The following INTS1 variants were observed in gnomAD, a reference collection of about 807,000 sequenced individuals.
INTS1 encodes the protein integrator complex subunit 1.
In INTS1, 137 loss-of-function variants were observed where a neutral mutation model predicts 241.6. That is an observed-to-expected ratio of 0.57 (90% confidence interval 0.49 to 0.65). INTS1 has a LOEUF of 0.65. Among genes scored for constraint, INTS1 ranks in the 30% least tolerant of loss-of-function variants. INTS1 has a pLI of 0.00. For missense variants in INTS1, 3,073 were observed against 3,032.2 expected, an observed-to-expected ratio of 1.01 and a Z score of -0.32; for synonymous variants, 1,692 against 1,337.8, an observed-to-expected ratio of 1.26 and a Z score of -5.78.
chr7:1,486,522 C>T (rs1782273007), intron 22 of INTS1, 103 bp downstream of exon 22: 2 of 1,364,998 alleles, frequency 1.5e-6, no homozygotes, highest in Non-Finnish European at 2.0e-6. Context: ...GCCTTGGCCT[C>T]CCAAAGTGCT....
At chr7:1,490,543 G>C (rs899739480) in intron 16 of INTS1, among the ~76,000 whole-genome samples, 5 of 152,136 alleles carry the variant, frequency 3.3e-5, no homozygotes, top group African/African-American at 1.2e-4. Context: ...AAGGGTGTCG[G>C]CTCTGGATAA....
rs1382066226 is a variant in INTS1, at chr7:1,474,295, T to C, written c.5702A>G (p.Gln1901Arg). ...RTHLNFQEFRQQNHLSCFLHV... is the reference protein window; with the variant it reads ...RTHLNFQEFRRQNHLSCFLHV... ...CAGGAAGCAGCTCAGGTGGTTCTGC[T>C]GCCGGAACTCCTGGAAGTTGAGGTG... Residue 1901 changes from glutamine to arginine, a missense_variant, in exon 41 of 48, where the codon CAG becomes CGG. Coordinates refer to ENST00000404767, the MANE Select transcript of INTS1 (RefSeq NM_001080453.3). 9 of 1,608,762 alleles carry C rather than the reference T, an allele frequency of 5.6e-6. No individual in the cohort carries two copies. The highest frequency in any genetic ancestry group is 1.7e-5 in the Admixed American group (1 of 59,918).
In INTS1 at chr7:1,503,892, G is replaced by A; in HGVS notation, c.58+11C>T. On this transcript the variant is annotated intron_variant, in intron 2 of 47. Transcript: ENST00000404767. ...AGACCCCCGGGCTGCAGAGCGAGGA[G>A]GGAGACGCACCTGAGGGTTTGGCCG... The A allele has an allele frequency of 6.5e-7, 1 of 1,544,212 alleles. No homozygotes were observed. Among genetic ancestry groups the A allele is most frequent in the Non-Finnish European group, 8.7e-7 (1 of 1,144,890 alleles).
chr7:1,471,481 C>T (rs1781464622), intron 45 of INTS1, 90 bp downstream of exon 45: 7 of 1,400,956 alleles, frequency 5.0e-6, no homozygotes, highest in Admixed American at 3.4e-5. Flanking sequence ...TGGGGCTCAG[C>T]GCGGGCACGC....
At chr7:1,472,418 G>A (rs368285030) in intron 43 of INTS1, 32 bp from the exon 44 acceptor site, 18 of 1,450,136 alleles carry the variant, frequency 1.2e-5, no homozygotes, top group African/African-American at 4.2e-5. Flanking sequence ...GCAGGAGGGC[G>A]GGAGCGGCAG....
Position 1,470,630 on chromosome 7 carries a change from T to C in INTS1, c.6520A>G (p.Ser2174Gly), listed in dbSNP as rs766428490. The stretch of plus-strand genomic sequence containing the variant: ...CTCAGGGCCTCGGAGATCTGCGCGC[T>C]GGGGTCCATCTGGCCGTACATGCCC... ...LVGMYGQMDP[S>G]AQISEALRIL... is the part of the protein sequence containing the mutation. The change falls in exon 48 of 48, where the codon AGC becomes GGC. Residue 2174 changes from serine to glycine, a missense_variant. Coordinates refer to ENST00000404767, the MANE Select transcript of INTS1 (RefSeq NM_001080453.3). The C allele has an allele frequency of 3.1e-6, 5 of 1,588,882 alleles. No individual in the cohort carries two copies. The South Asian group carries it at 3.4e-5, about 11-fold the overall frequency.
chr7:1,482,703 G>C lies in INTS1; in HGVS notation c.3546C>G (p.Asp1182Glu). The change falls in exon 27 of 48, where the codon GAC becomes GAG. Residue 1182 changes from aspartate to glutamate, a missense_variant. By Grantham distance (45) the Asp-to-Glu change is conservative. Coordinates refer to ENST00000404767, the MANE Select transcript of INTS1 (RefSeq NM_001080453.3). ...CCAGCAGCGCCTGGAACTCGCTGTCGTCGGCTTCAGGAAGGACAACGGGTG... is the reference window on the plus strand; with the variant it reads ...CCAGCAGCGCCTGGAACTCGCTGTCCTCGGCTTCAGGAAGGACAACGGGTG... Reference protein sequence around the residue: ...ILLTLGPPRADDSEFQALLDI... With the variant: ...ILLTLGPPRAEDSEFQALLDI... 6.2e-7 allele frequency: 1 copy of C among 1,612,446 alleles called. No homozygotes were observed. Among genetic ancestry groups the C allele is most frequent in the Non-Finnish European group, 8.5e-7 (1 of 1,179,708 alleles).
rs1378747982 is a variant in INTS1 at position 1,497,391 on chromosome 7, C to G, written c.1426-77G>C. On this transcript the variant is annotated intron_variant, in intron 10 of 47. Coordinates refer to ENST00000404767, the MANE Select transcript of INTS1 (RefSeq NM_001080453.3). The surrounding 1 kb of genome is among the most constrained non-coding windows in gnomAD (Gnocchi z 5.3). ...CACAGGCCCCTTCCCGCAGCACCAACAGGTATGGCGCCCGAGGGCGCTGCA... is the reference window on the plus strand; with the variant it reads ...CACAGGCCCCTTCCCGCAGCACCAAGAGGTATGGCGCCCGAGGGCGCTGCA... 1.0e-5 allele frequency: 15 copies of G among 1,479,584 alleles called. No individual in the cohort carries two copies. The East Asian group carries it at 3.3e-4, about 33-fold the overall frequency. The allele number at this position is 1,479,584 out of a possible 1,614,324, so 91.7% of individuals were successfully genotyped here.
At position 1,477,685 on chromosome 7, in the gene INTS1, A is replaced by G; in HGVS notation, c.4815-12T>C. On this transcript the variant is annotated splice_polypyrimidine_tract_variant and intron_variant, in intron 34 of 47. Transcript: ENST00000404767. ...GCACGGCCTCCAGGCTGCAGGGAGA[A>G]GGTGGCTCAGGGAAGGGCTGGTGCC... The G allele has an allele frequency of 6.3e-7, 1 of 1,599,418 alleles. No homozygotes were observed. Among genetic ancestry groups the G allele is most frequent in the Non-Finnish European group, 8.5e-7 (1 of 1,172,984 alleles).
At chr7:1,475,344 C>G (rs1232761045) in intron 39 of INTS1, among the ~76,000 whole-genome samples, 1 of 152,094 alleles carries the variant, frequency 6.6e-6, no homozygotes, top group Non-Finnish European at 1.5e-5. Flanking sequence ...ATGATGGTAC[C>G]GCTGCACTCC....
chr7:1,494,755 C>A lies in INTS1; in HGVS notation c.1910+61G>T, dbSNP rs752790. On this transcript the variant is annotated intron_variant, in intron 14 of 47. Transcript: ENST00000404767. ...ACTGGCCCTTCCTGCCGCAGCCGGC[C>A]CGGCACCCCGCAGCCCCGCCCAGCC... 4,651 of 1,517,140 alleles carry A rather than the reference C, an allele frequency of 3.1e-3. 14 individuals carry two copies. The highest frequency in any genetic ancestry group is 0.012 in the Middle Eastern group (57 of 4,892). The allele number at this position is 1,517,140 out of a possible 1,614,324, so 94.0% of individuals were successfully genotyped here. A position where few individuals can be genotyped will look rare whatever the true frequency, so the allele number is the denominator to read the frequency against.
intron 8 of INTS1, 46 bp from the exon 9 acceptor site, chr7:1,498,898 G>GA: frequency 6.4e-7 from 1 of 1,554,876 alleles, no homozygotes; most frequent in Non-Finnish European, 8.7e-7. Context: ...CACCCCGGCA[G>GA]GAAGACCACG....
At position 1,481,212 on chromosome 7, in the gene INTS1, C is replaced by T; in HGVS notation, c.3850+130G>A. 1.9e-6 allele frequency: 2 copies of T among 1,050,728 alleles called. No individual in the cohort carries two copies. Among genetic ancestry groups the T allele is most frequent in the Non-Finnish European group, 2.9e-6 (2 of 700,908 alleles). The allele number at this position is 1,050,728 out of a possible 1,614,324, so 65.1% of individuals were successfully genotyped here. ...TCACCAACCCACAGGTCTAAGCCTG[C>T]CCTCGAGTGCCACCCACACCCACCC... On this transcript the variant is annotated intron_variant, in intron 28 of 47. Transcript: ENST00000404767. This position sits in a 1 kb window ranked among gnomAD's most constrained non-coding sequence, Gnocchi z 6.8.
rs1335635236 is a variant in INTS1, at chr7:1,497,244, A to T, written c.1496T>A (p.Leu499Gln). The change falls in exon 11 of 48, where the codon CTG (leucine) becomes CAG (glutamine). Residue 499 changes from leucine to glutamine, a missense_variant. By Grantham distance (113) the Leu-to-Gln change is moderately radical. Transcript: ENST00000404767. This position sits in a 1 kb window ranked among gnomAD's most constrained non-coding sequence, Gnocchi z 5.3. Reference protein sequence around the residue: ...DDYLRASRALLREIIKQTKHE... With the variant: ...DDYLRASRALQREIIKQTKHE... ...CTTGGTCTGCTTGATGATCTCCCGC[A>T]GCAGGGCCCGCGAGGCCCGCAGGTA... 3 of 1,613,274 alleles carry T rather than the reference A, an allele frequency of 1.9e-6. No individual in the cohort carries two copies.
chr7:1,486,600 C>T, intron 22 of INTS1, 25 bp downstream of exon 22: 2 of 1,606,266 alleles, frequency 1.2e-6, no homozygotes, highest in Non-Finnish European at 1.7e-6. Flanking sequence ...AGAGCGTGCG[C>T]AGAAAGACCC....
At chr7:1,475,855 C>T (rs552963185) in intron 39 of INTS1, 93 bp downstream of exon 39, 50 of 1,433,838 alleles carry the variant, frequency 3.5e-5, no homozygotes, top group Middle Eastern at 2.4e-4. Context: ...GGGTAGCCGG[C>T]GATGGCCATG....
intron 39 of INTS1, among the ~76,000 whole-genome samples, chr7:1,475,242 G>A (rs1297962531): frequency 6.6e-6 from 1 of 152,092 alleles, no homozygotes; most frequent in Admixed American, 6.6e-5. Flanking sequence ...AAGAGTAACT[G>A]GGTGTGGTGG....
Position 1,476,726 on chromosome 7 carries a change from G to A in INTS1, c.5063+68C>T, listed in dbSNP as rs1238395765. The A allele has an allele frequency of 1.2e-5, 19 of 1,611,918 alleles. No individual in the cohort carries two copies. The East Asian group carries it at 1.3e-4, about 11-fold the overall frequency. On this transcript the variant is annotated intron_variant, in intron 36 of 47. Transcript: ENST00000404767. Reference sequence around the variant, plus strand: ...AGCATGGGAGATACCAGTCAGAGCCGGCGCTGGGAGATTTCTGGTGAAGGC... The same window carrying A: ...AGCATGGGAGATACCAGTCAGAGCCAGCGCTGGGAGATTTCTGGTGAAGGC...
At chr7:1,473,417 C>T (rs1045841957) in intron 42 of INTS1, 149 bp downstream of exon 42, 22 of 1,055,240 alleles carry the variant, frequency 2.1e-5, no homozygotes, top group East Asian at 2.6e-5. Flanking sequence ...GCGGCCTCTG[C>T]GCCCTGGGAT....
Sources: allele counts gnomAD v4.1 joint callset (sites outside exome capture counted in the v4.1 genomes callset), GRCh38; gene constraint gnomAD v4.1.1; non-coding constraint Gnocchi (gnomAD v3.1); transcripts MANE v1.5; gene names NCBI Gene and HGNC (gene_info 2026-07-23, HGNC 2026-07-21).